SHANK2: variants seen among roughly 807,000 people sequenced by gnomAD.
SHANK2 encodes SH3 and multiple ankyrin repeat domains protein 2.
In SHANK2, 43 loss-of-function variants were observed where a neutral mutation model predicts 133.7. The observed-to-expected ratio is 0.32, with a 90% CI of 0.25 to 0.41. The LOEUF is 0.41. Among genes scored for constraint, SHANK2 ranks in the 10% least tolerant of loss-of-function variants. The pLI is 1.00. For missense variants in SHANK2, 1,994 were observed against 2,235.8 expected (o/e 0.89, Z 2.18); for synonymous variants, 1,017 against 952.8 (o/e 1.07, Z -1.24).
At chr11:71,071,003 T>C (rs1951134986) in intron 9 of SHANK2, among the ~76,000 whole-genome samples, 1 of 152,220 alleles carries the variant, frequency 6.6e-6, no homozygotes, top group South Asian at 2.1e-4. Context: ...TCAAAATGTG[T>C]TAACCTTTTC....
intron 17 of SHANK2, chr11:70,647,593 T>C (rs1033584866): frequency 6.6e-6 from 1 of 152,222 alleles, no homozygotes; most frequent in East Asian, 1.9e-4. Context: ...GTGTGAACTC[T>C]CTCAAAAACG....
chr11:70,599,933 A>AAGAT (rs1300633721), intron 17 of SHANK2, among the ~76,000 whole-genome samples: 1 of 122,430 alleles, frequency 8.2e-6, no homozygotes, highest in African/African-American at 4.1e-5. Context: ...GAAAGAAAGA[A>AAGAT]AGAAAGAAAG....
intron 17 of SHANK2, chr11:70,566,246 G>A (rs553523312): frequency 2.0e-5 from 3 of 152,264 alleles, no homozygotes; most frequent in Non-Finnish European, 4.4e-5. Context: ...ATGAGATTTG[G>A]GTGGGGACAA....
intron 17 of SHANK2, among the ~76,000 whole-genome samples, chr11:70,617,227 G>A (rs774923682): frequency 3.9e-5 from 6 of 152,018 alleles, no homozygotes; most frequent in Non-Finnish European, 7.4e-5. Context: ...TGTGTTGTGT[G>A]TGTGTGCATG....
chr11:71,150,862 G>A (rs1952783115), intron 2 of SHANK2, among the ~76,000 whole-genome samples: 1 of 152,086 alleles, frequency 6.6e-6, no homozygotes, highest in Non-Finnish European at 1.5e-5. Context: ...GGGGGCACCT[G>A]TTTCTTACCC....
intron 1 of SHANK2, among the ~76,000 whole-genome samples, chr11:71,239,518 G>T (rs1323440359): frequency 6.6e-6 from 1 of 151,680 alleles, no homozygotes; most frequent in Non-Finnish European, 1.5e-5. Flanking sequence ...GGAGTGCATT[G>T]GCACCATCTC....
intron 8 of SHANK2, among the ~76,000 whole-genome samples, chr11:71,075,786 C>T (rs948743176): frequency 8.5e-5 from 13 of 152,264 alleles, no homozygotes; most frequent in Middle Eastern, 3.4e-3. Context: ...GACGGCCCCA[C>T]GACTGCTTTA....
At chr11:71,198,743 A>T (rs1185039551) in intron 2 of SHANK2, among the ~76,000 whole-genome samples, 2 of 152,202 alleles carry the variant, frequency 1.3e-5, no homozygotes, top group Non-Finnish European at 2.9e-5. Flanking sequence ...TCCAGAAGAC[A>T]GCAGTGAGCC....
In SHANK2 at chr11:70,500,726, G is replaced by A; in HGVS notation, c.2288-136C>T. The A allele has an allele frequency of 8.5e-7, 1 of 1,174,782 alleles. No individual in the cohort carries two copies. Among genetic ancestry groups the A allele is most frequent in the Non-Finnish European group, 1.2e-6 (1 of 803,010 alleles). 72.8% of individuals were successfully genotyped at this position (1,174,782 alleles called of 1,614,324 possible). A position where few individuals can be genotyped will look rare whatever the true frequency, so the allele number is the denominator to read the frequency against. ...ATGGGGCGGCAGGCAGGGGCTGTCT[G>A]GAACGCTGCGAACGCAGGCTGCGCT... On this transcript the variant is annotated intron_variant, in intron 20 of 25. Transcript: ENST00000601538. This position sits in a 1 kb window ranked among gnomAD's most constrained non-coding sequence, Gnocchi z 4.5.
At chr11:70,690,927 G>A (rs906598118) in intron 15 of SHANK2, among the ~76,000 whole-genome samples, 3 of 152,038 alleles carry the variant, frequency 2.0e-5, no homozygotes, top group East Asian at 1.9e-4. Flanking sequence ...TAATCATCAC[G>A]TTGGGAAGAT....
At chr11:71,110,773 G>GCTC (rs1555099041) in intron 5 of SHANK2, among the ~76,000 whole-genome samples, 2 of 152,316 alleles carry the variant, frequency 1.3e-5, no homozygotes, top group Non-Finnish European at 2.9e-5. Flanking sequence ...TATCCTGGAT[G>GCTC]AATGTTTAAA....
chr11:70,638,507 G>A (rs2061135903), intron 17 of SHANK2, among the ~76,000 whole-genome samples: 1 of 152,184 alleles, frequency 6.6e-6, no homozygotes, highest in Non-Finnish European at 1.5e-5. Context: ...TGCTTTAACG[G>A]AAGCAAAGAA....
intron 14 of SHANK2, among the ~76,000 whole-genome samples, chr11:70,730,538 G>T (rs560858314): frequency 6.6e-6 from 1 of 152,066 alleles, no homozygotes; most frequent in Non-Finnish European, 1.5e-5. Flanking sequence ...TAACTGGACC[G>T]CATCTCCCAG....
At chr11:71,086,820 T>A (rs1470121535) in intron 8 of SHANK2, among the ~76,000 whole-genome samples, 3 of 152,272 alleles carry the variant, frequency 2.0e-5, no homozygotes, top group African/African-American at 7.2e-5. Context: ...CCATCCCTTA[T>A]CTGCTCCGTC....
rs1346080727 is a variant in SHANK2 at position 70,535,773 on chromosome 11, CG to C, written c.2062-32843del. ...CACTGTGGGAAGTCCCTGTGCTCCA[CG>C]GGGCAGGAGAGGTTCGGGTGGGCCA... On this transcript the variant is annotated intron_variant, in intron 17 of 25. Transcript: ENST00000601538. This position sits in a 1 kb window ranked among gnomAD's most constrained non-coding sequence, Gnocchi z 4.3. Among the ~76,000 whole-genome samples, 35 of 152,224 alleles carry C rather than the reference CG, an allele frequency of 2.3e-4. No individual in the cohort carries two copies. The highest frequency in any genetic ancestry group is 8.4e-4 in the African/African-American group (35 of 41,462).
chr11:71,068,559 G>A (rs1951099358), intron 9 of SHANK2, among the ~76,000 whole-genome samples: 1 of 152,226 alleles, frequency 6.6e-6, no homozygotes, highest in African/African-American at 2.4e-5. Context: ...ATGCCATAGT[G>A]ACTTTGGTCA....
chr11:71,247,301 A>AC (rs1954973812), intron 1 of SHANK2, among the ~76,000 whole-genome samples: 1 of 152,238 alleles, frequency 6.6e-6, no homozygotes, highest in Non-Finnish European at 1.5e-5. Flanking sequence ...TAGCCTTTAC[A>AC]AATATTTAAA....
chr11:70,623,373 C>T (rs2136466390), intron 17 of SHANK2, among the ~76,000 whole-genome samples: 1 of 152,350 alleles, frequency 6.6e-6, no homozygotes, highest in South Asian at 2.1e-4. Context: ...GCTTATGCTC[C>T]ACGCACCATT....
intron 3 of SHANK2, among the ~76,000 whole-genome samples, chr11:71,130,459 T>C (rs1241329450): frequency 1.3e-5 from 2 of 152,210 alleles, no homozygotes; most frequent in Admixed American, 6.5e-5. Flanking sequence ...TTTTGGGCCC[T>C]GTAAAATGGC....
Sources: gnomAD v4.1 joint callset for allele counts (sites outside exome capture counted in the v4.1 genomes callset) on GRCh38, gnomAD v4.1.1 for gene constraint, Gnocchi (gnomAD v3.1) non-coding constraint, MANE v1.5 for transcripts, NCBI Gene and HGNC (gene_info 2026-07-23, HGNC 2026-07-21) for gene names.